MALRD1: variants seen among roughly 807,000 people sequenced by gnomAD.
The protein encoded by MALRD1 is MAM and LDL-receptor class A domain-containing protein 1.
In MALRD1, 247 loss-of-function variants were observed where a neutral mutation model predicts 242.1. The ratio of observed to expected loss-of-function variants is 1.02; its 90% CI spans 0.92 to 1.13. The LOEUF (loss-of-function observed/expected upper bound fraction) is 1.13. Ranked by LOEUF, MALRD1 falls within the 50% of genes most tolerant of loss-of-function variation. The pLI is 0.00. For missense variants in MALRD1, 2,989 were observed against 2,533.1 expected, an observed-to-expected ratio of 1.18 and a Z score of -3.86; for synonymous variants, 995 against 866.6, an observed-to-expected ratio of 1.15 and a Z score of -2.60.
At position 19,509,430 on chromosome 10, in the gene MALRD1, G is replaced by T. The variant is rs371548484; in HGVS notation, c.5320+10784G>T. Among the ~76,000 whole-genome samples the T allele has an allele frequency of 1.6e-4, 24 of 152,262 alleles. 1 individual carries two copies. In the East Asian group the frequency reaches 4.4e-3, roughly 28 times the overall value. On this transcript the variant is annotated intron_variant, in intron 31 of 39. Coordinates refer to ENST00000454679, the MANE Select transcript of MALRD1 (RefSeq NM_001142308.3). Reference sequence around the variant, plus strand: ...TTGGTTTATTTCTGTACTAAGTTAGGTTGCAGTTGGTTATCTAGGAACTCA... The same window carrying T: ...TTGGTTTATTTCTGTACTAAGTTAGTTTGCAGTTGGTTATCTAGGAACTCA...
intron 13 of MALRD1, among the ~76,000 whole-genome samples, chr10:19,168,051 T>G (rs895856557): frequency 6.6e-6 from 1 of 152,218 alleles, no homozygotes; most frequent in Non-Finnish European, 1.5e-5. Context: ...TAGTAGACAC[T>G]CAATAAATGT....
At chr10:19,580,944 A>G (rs1253179973) in intron 33 of MALRD1, among the ~76,000 whole-genome samples, 1 of 152,066 alleles carries the variant, frequency 6.6e-6, no homozygotes, top group Non-Finnish European at 1.5e-5. Context: ...GAGGTCAAAT[A>G]GAGGTCATGT....
chr10:19,551,341 T>TA (rs1835461016), intron 32 of MALRD1, among the ~76,000 whole-genome samples: 1 of 152,162 alleles, frequency 6.6e-6, no homozygotes, highest in Non-Finnish European at 1.5e-5. Flanking sequence ...ACTGTATTCC[T>TA]AGATATTTTA....
intron 24 of MALRD1, among the ~76,000 whole-genome samples, chr10:19,338,648 G>A (rs1843708524): frequency 6.6e-6 from 1 of 151,634 alleles, no homozygotes; most frequent in African/African-American, 2.4e-5. Context: ...ATATATTTAT[G>A]GGGTACATGA....
intron 36 of MALRD1, among the ~76,000 whole-genome samples, chr10:19,625,328 T>TA (rs906583325): frequency 8.5e-5 from 13 of 152,086 alleles, no homozygotes; most frequent in African/African-American, 2.7e-4. Flanking sequence ...TCCTTTTTTT[T>TA]AACACACTGT....
intron 26 of MALRD1, among the ~76,000 whole-genome samples, chr10:19,357,191 G>C (rs1844677880): frequency 6.6e-6 from 1 of 151,890 alleles, no homozygotes; most frequent in South Asian, 2.1e-4. Context: ...TAGTGGATTA[G>C]ATATTAATAT....
Position 19,509,948 on chromosome 10 carries a change from T to A in MALRD1, c.5320+11302T>A, listed in dbSNP as rs61841372. Among the ~76,000 whole-genome samples the A allele has an allele frequency of 4.8e-3, 733 of 152,074 alleles. 1 individual carries two copies. Among genetic ancestry groups the A allele is most frequent in the Non-Finnish European group, 7.8e-3 (527 of 67,976 alleles). ...GGACCGGCGCTCAGCATACAGAGGA[T>A]CCGCTCCAGCACCAGTCTCTGAGTT... On this transcript the variant is annotated intron_variant, in intron 31 of 39. Coordinates refer to ENST00000454679, the MANE Select transcript of MALRD1 (RefSeq NM_001142308.3).
At chr10:19,725,928 C>A (rs565544722) in intron 38 of MALRD1, among the ~76,000 whole-genome samples, 1 of 152,214 alleles carries the variant, frequency 6.6e-6, no homozygotes, top group Admixed American at 6.5e-5. Flanking sequence ...TACTTCACAC[C>A]ACATACAGAA....
At chr10:19,461,902 G>GA (rs1381230748) in intron 29 of MALRD1, among the ~76,000 whole-genome samples, 1 of 151,984 alleles carries the variant, frequency 6.6e-6, no homozygotes, top group Non-Finnish European at 1.5e-5. Flanking sequence ...CGTACATAAA[G>GA]AAAACATGAC....
At chr10:19,311,548 AT>A (rs1173564180) in intron 21 of MALRD1, among the ~76,000 whole-genome samples, 2 of 151,404 alleles carry the variant, frequency 1.3e-5, no homozygotes, top group Non-Finnish European at 3.0e-5. Flanking sequence ...TACTTAATAT[AT>A]TTTTTAAAAT....
chr10:19,233,267 C>T lies in MALRD1; in HGVS notation c.2991+23587C>T, dbSNP rs567371403. 3.9e-5 allele frequency among the ~76,000 whole-genome samples: 6 copies of T among 152,164 alleles called. No homozygotes were observed. The South Asian group carries it at 6.2e-4, about 16-fold the overall frequency. ...CTGTAGTCCCAGCTCTTTGGGAGGC[C>T]GAGGTGGGCGGATCGCCTGAGGTCA... On this transcript the variant is annotated intron_variant, in intron 18 of 39. Transcript: ENST00000454679.
intron 36 of MALRD1, among the ~76,000 whole-genome samples, chr10:19,651,162 GT>G (rs1840865972): frequency 6.6e-6 from 1 of 152,170 alleles, no homozygotes; most frequent in South Asian, 2.1e-4. Flanking sequence ...AAAGAATTTA[GT>G]TACTATCTTA....
At chr10:19,344,255 C>T (rs568735461) in intron 24 of MALRD1, among the ~76,000 whole-genome samples, 1 of 152,090 alleles carries the variant, frequency 6.6e-6, no homozygotes, top group South Asian at 2.1e-4. Context: ...CTGATTTTCT[C>T]CTTTGTGTTC....
intron 14 of MALRD1, among the ~76,000 whole-genome samples, chr10:19,184,070 C>G (rs1835636132): frequency 6.6e-6 from 1 of 152,184 alleles, no homozygotes; most frequent in South Asian, 2.1e-4. Context: ...CTCTAAGGGA[C>G]AGGCTGCAGG....
intron 38 of MALRD1, among the ~76,000 whole-genome samples, chr10:19,711,670 C>A (rs1417899596): frequency 6.6e-6 from 1 of 152,186 alleles, no homozygotes; most frequent in East Asian, 1.9e-4. Context: ...ATAGAACAGC[C>A]TGTGTATATG....
In MALRD1 at chr10:19,498,707, A is replaced by G. The variant is rs181358022; in HGVS notation, c.5320+61A>G. ...ACTCATCTTAAAGTCTGCTTTAACA[A>G]TTTGTGTGAATTTCAGTGTGCATTT... is the stretch of plus-strand genomic sequence containing the variant. On this transcript the variant is annotated intron_variant, in intron 31 of 39. Coordinates refer to ENST00000454679, the MANE Select transcript of MALRD1 (RefSeq NM_001142308.3). The G allele has an allele frequency of 2.0e-4, 297 of 1,490,740 alleles. No homozygotes were observed. In the African/African-American group the frequency reaches 4.0e-3, roughly 20 times the overall value. The allele number at this position is 1,490,740 out of a possible 1,614,324, so 92.3% of individuals were successfully genotyped here. A position where few individuals can be genotyped will look rare whatever the true frequency, so the allele number is the denominator to read the frequency against.
intron 24 of MALRD1, among the ~76,000 whole-genome samples, chr10:19,343,411 A>G (rs957513368): frequency 4.7e-5 from 7 of 149,086 alleles, no homozygotes; most frequent in Non-Finnish European, 8.9e-5. Flanking sequence ...CATTACATGC[A>G]TAAATTTGTG....
rs544451283 is a variant in MALRD1 at position 19,607,903 on chromosome 10, G to T, written c.6070+1G>T. On this transcript the variant is annotated splice_donor_variant, in intron 35 of 39. Transcript: ENST00000454679. LOFTEE classifies it high-confidence loss of function. Reference sequence around the variant, plus strand: ...CAGCTTGATGAGTCCAGCTGCTCCGGTACCCCATTTCCATTCAGATATTCT... The same window carrying T: ...CAGCTTGATGAGTCCAGCTGCTCCGTTACCCCATTTCCATTCAGATATTCT... The T allele has an allele frequency of 1.3e-6, 2 of 1,549,134 alleles. No homozygotes were observed. The highest frequency in any genetic ancestry group is 2.0e-5 in the Admixed American group (1 of 50,908).
chr10:19,118,898 A>G (rs529242925), intron 5 of MALRD1, among the ~76,000 whole-genome samples: 1 of 152,316 alleles, frequency 6.6e-6, no homozygotes, highest in South Asian at 2.1e-4. Context: ...TTTACTTCAT[A>G]TAGGATGAAA....
Sources: allele counts gnomAD v4.1 joint callset (sites outside exome capture counted in the v4.1 genomes callset), GRCh38; gene constraint gnomAD v4.1.1; transcripts MANE v1.5; gene names NCBI Gene and HGNC (gene_info 2026-07-23, HGNC 2026-07-21).